CBFA2T2: variants seen among roughly 807,000 people sequenced by gnomAD.
CBFA2T2 encodes the protein CBFA2/RUNX1 partner transcriptional co-repressor 2.
A neutral mutation model predicts 62.2 loss-of-function variants in CBFA2T2; 11 were observed. The observed-to-expected ratio is 0.18, with a 90% CI of 0.11 to 0.29. The LOEUF (loss-of-function observed/expected upper bound fraction) is 0.29. Ranked by LOEUF, CBFA2T2 falls within the 10% of genes least tolerant of loss-of-function variation. CBFA2T2 has a pLI of 1.00. For missense variants in CBFA2T2, 592 were observed against 774.1 expected, an observed-to-expected ratio of 0.76 and a Z score of 2.79; for synonymous variants, 295 against 287.5, an observed-to-expected ratio of 1.03 and a Z score of -0.27.
Position 33,567,728 on chromosome 20 carries a change from A to G in CBFA2T2, c.35-39228A>G, listed in dbSNP as rs549449655. ...CTCCCAAGTAGCTGGGATTACAGGC[A>G]TGTGCCACCACGCCCAGTTAATTTT... is the stretch of plus-strand genomic sequence containing the variant. On this transcript the variant is annotated intron_variant, in intron 1 of 10. Transcript: ENST00000342704. Among the ~76,000 whole-genome samples, 6 of 152,166 alleles carry G rather than the reference A, an allele frequency of 3.9e-5. No individual in the cohort carries two copies. In the South Asian group the frequency reaches 1.2e-3, roughly 32 times the overall value.
intron 1 of CBFA2T2, among the ~76,000 whole-genome samples, chr20:33,590,248 C>CAA (rs111328507): frequency 1.4e-4 from 15 of 103,730 alleles, no homozygotes; most frequent in South Asian, 3.0e-4. Context: ...TCTTTTTTTA[C>CAA]AAAAAAAAAA....
At chr20:33,494,258 TA>T (rs1568783008) in intron 1 of CBFA2T2, among the ~76,000 whole-genome samples, 17 of 78,134 alleles carry the variant, frequency 2.2e-4, no homozygotes, top group African/African-American at 9.3e-4. Flanking sequence ...TATATATATA[TA>T]TATATATATA....
In CBFA2T2 at chr20:33,592,374, TTA is replaced by T. The variant is rs11473567; in HGVS notation, c.35-14565_35-14564del. ...ACAAAACTCTGTCTCAAAAAAAATT[TTA>T]TATATATATATATATAATTATGTAA... is the stretch of plus-strand genomic sequence containing the variant. On this transcript the variant is annotated intron_variant, in intron 1 of 10. Coordinates refer to ENST00000342704, the MANE Select transcript of CBFA2T2 (RefSeq NM_001032999.3). Among the ~76,000 whole-genome samples, 398 of 142,970 alleles carry T rather than the reference TTA, an allele frequency of 2.8e-3. 2 individuals are homozygous for T. The highest frequency in any genetic ancestry group is 6.6e-3 in the African/African-American group (257 of 39,038). 93.8% of individuals were successfully genotyped at this position (142,970 alleles called of 152,430 possible). A position where few individuals can be genotyped will look rare whatever the true frequency, so the allele number is the denominator to read the frequency against.
intron 2 of CBFA2T2, among the ~76,000 whole-genome samples, chr20:33,608,856 C>A (rs1234434206): frequency 6.6e-6 from 1 of 152,128 alleles, no homozygotes; most frequent in Non-Finnish European, 1.5e-5. Flanking sequence ...TTGGTTCCTT[C>A]AAAATGGAGC....
chr20:33,510,047 A>G (rs2011479949), intron 1 of CBFA2T2, among the ~76,000 whole-genome samples: 1 of 151,110 alleles, frequency 6.6e-6, no homozygotes, highest in Admixed American at 6.6e-5. Flanking sequence ...TTCAATTCCC[A>G]CCTGTGAGTG....
chr20:33,501,446 G>A (rs2011277804), intron 1 of CBFA2T2, among the ~76,000 whole-genome samples: 1 of 152,026 alleles, frequency 6.6e-6, no homozygotes, highest in Non-Finnish European at 1.5e-5. Flanking sequence ...CTAACTTTAT[G>A]TCTGGGACTA....
chr20:33,563,811 A>T (rs2013181244), intron 1 of CBFA2T2, among the ~76,000 whole-genome samples: 1 of 151,990 alleles, frequency 6.6e-6, no homozygotes. Context: ...TGCATTTTTA[A>T]CTTCAGCTCC....
At chr20:33,642,118 GT>G (rs1267679224) in intron 10 of CBFA2T2, among the ~76,000 whole-genome samples, 1 of 28,228 alleles carries the variant, frequency 3.5e-5, no homozygotes, top group African/African-American at 1.8e-4. Flanking sequence ...TTTTTTTTTT[GT>G]GTGTGTGTGT....
chr20:33,525,949 TG>T (rs1286283400), intron 1 of CBFA2T2, among the ~76,000 whole-genome samples: 2 of 152,228 alleles, frequency 1.3e-5, no homozygotes, highest in Non-Finnish European at 2.9e-5. Context: ...CCACTGCACC[TG>T]GCCACGTAAT....
chr20:33,548,431 A>G (rs1349623314), intron 1 of CBFA2T2, among the ~76,000 whole-genome samples: 1 of 151,418 alleles, frequency 6.6e-6, no homozygotes, highest in Non-Finnish European at 1.5e-5. Flanking sequence ...TTTAGTAGAG[A>G]TGGGGTTTCA....
chr20:33,490,302 G>GT lies in CBFA2T2; in HGVS notation c.34+2dup. 3.1e-6 allele frequency: 4 copies of GT among 1,281,620 alleles called. No individual in the cohort carries two copies. The highest frequency in any genetic ancestry group is 1.5e-5 in the African/African-American group (1 of 65,666). The allele number at this position is 1,281,620 out of a possible 1,614,324, so 79.4% of individuals were successfully genotyped here. On this transcript the variant is annotated splice_donor_variant, in intron 1 of 10. Coordinates refer to ENST00000342704, the MANE Select transcript of CBFA2T2 (RefSeq NM_001032999.3). LOFTEE classifies it high-confidence loss of function. Reference sequence around the variant, plus strand: ...GTCCCTGGAGCGGCCGCCTTCCAGCGTAAGTGGGGCGTGAATGCGGGCGGC... The same window carrying GT: ...GTCCCTGGAGCGGCCGCCTTCCAGCGTTAAGTGGGGCGTGAATGCGGGCGGC...
intron 1 of CBFA2T2, among the ~76,000 whole-genome samples, chr20:33,499,454 T>C (rs2011243396): frequency 6.6e-6 from 1 of 152,252 alleles, no homozygotes; most frequent in Non-Finnish European, 1.5e-5. Flanking sequence ...ATAGTTTACA[T>C]GTGCGACATG....
intron 1 of CBFA2T2, among the ~76,000 whole-genome samples, chr20:33,580,675 A>G (rs758270199): frequency 3.9e-5 from 6 of 152,026 alleles, no homozygotes; most frequent in Non-Finnish European, 8.8e-5. Flanking sequence ...GTGTGGCAAT[A>G]CCCTGTCTCT....
chr20:33,556,271 G>C (rs1273456370), intron 1 of CBFA2T2, among the ~76,000 whole-genome samples: 1 of 152,014 alleles, frequency 6.6e-6, no homozygotes. Context: ...CAGACCAGTT[G>C]TTCTGTACTT....
intron 1 of CBFA2T2, among the ~76,000 whole-genome samples, chr20:33,490,667 T>C (rs899521362): frequency 6.6e-6 from 1 of 152,128 alleles, no homozygotes; most frequent in Non-Finnish European, 1.5e-5. Context: ...CCGCCCGATG[T>C]TGAGGGTTGG....
chr20:33,632,601 T>C (rs1242974295), intron 8 of CBFA2T2, among the ~76,000 whole-genome samples: 2 of 151,196 alleles, frequency 1.3e-5, no homozygotes, highest in Non-Finnish European at 2.9e-5. Flanking sequence ...CCTGAGTAGC[T>C]GGGATTACAA....
intron 1 of CBFA2T2, among the ~76,000 whole-genome samples, chr20:33,496,698 T>A (rs2011202836): frequency 6.6e-6 from 1 of 152,166 alleles, no homozygotes; most frequent in Non-Finnish European, 1.5e-5. Context: ...AGTATCCCTT[T>A]CCTTATCTGG....
chr20:33,550,243 C>T (rs563559476), intron 1 of CBFA2T2, among the ~76,000 whole-genome samples: 1 of 152,248 alleles, frequency 6.6e-6, no homozygotes, highest in South Asian at 2.1e-4. Context: ...ATTTTTAATA[C>T]TTATTAGCAA....
At chr20:33,521,834 G>C (rs910383106) in intron 1 of CBFA2T2, among the ~76,000 whole-genome samples, 1 of 152,032 alleles carries the variant, frequency 6.6e-6, no homozygotes, top group African/African-American at 2.4e-5. Context: ...GTGTGTGTGT[G>C]TGTGTGTGTG....
Sources: allele counts gnomAD v4.1 joint callset (sites outside exome capture counted in the v4.1 genomes callset), GRCh38; gene constraint gnomAD v4.1.1; transcripts MANE v1.5; gene names NCBI Gene and HGNC (gene_info 2026-07-23, HGNC 2026-07-21).